The following CCDC148 variants were observed in gnomAD, a reference collection of about 807,000 sequenced individuals.
The protein encoded by CCDC148 is coiled-coil domain-containing protein 148.
Under a neutral mutation model 85.7 loss-of-function variants are expected in CCDC148, and 89 were observed. The ratio of observed to expected loss-of-function variants is 1.04; its 90% CI spans 0.87 to 1.24. CCDC148 has a LOEUF of 1.24. Among genes scored for constraint, CCDC148 ranks in the 50% most tolerant of loss-of-function variants. CCDC148 has a pLI of 0.00. For missense variants in CCDC148, 692 were observed against 671.7 expected (o/e 1.03, Z -0.33); for synonymous variants, 230 against 213.9 (o/e 1.08, Z -0.66).
chr2:158,426,644 A>G (rs532373698), intron 1 of CCDC148, among the ~76,000 whole-genome samples: 12 of 152,320 alleles, frequency 7.9e-5, no homozygotes, highest in African/African-American at 2.9e-4. Context: ...GTTTGTCTCC[A>G]GGTTAACTAC....
At chr2:158,284,242 T>C (rs918974934) in intron 9 of CCDC148, among the ~76,000 whole-genome samples, 1 of 151,860 alleles carries the variant, frequency 6.6e-6, no homozygotes, top group African/African-American at 2.4e-5. Context: ...AACCTGCACA[T>C]TGTGCACATG....
chr2:158,213,544 T>C lies in CCDC148; in HGVS notation c.1370+7051A>G, dbSNP rs370861709. On this transcript the variant is annotated intron_variant, in intron 11 of 13. Coordinates refer to ENST00000283233, the MANE Select transcript of CCDC148 (RefSeq NM_138803.4). ...AAAAGTCAAAGATTGAACATTGTAA[T>C]AAGCATTTTCAAAATGTCATAATGT... Among the ~76,000 whole-genome samples, 48 of 152,318 alleles carry C rather than the reference T, an allele frequency of 3.2e-4. No homozygotes were observed. The South Asian group carries it at 1.0e-2, about 32-fold the overall frequency.
intron 1 of CCDC148, among the ~76,000 whole-genome samples, chr2:158,395,185 G>A (rs943807185): frequency 1.3e-4 from 20 of 151,996 alleles, no homozygotes; most frequent in Non-Finnish European, 2.9e-4. Flanking sequence ...CTAGTTGAGG[G>A]GACAGATCTA....
At chr2:158,430,151 A>T (rs1418571546) in intron 1 of CCDC148, among the ~76,000 whole-genome samples, 1 of 152,200 alleles carries the variant, frequency 6.6e-6, no homozygotes, top group Non-Finnish European at 1.5e-5. Context: ...TCACACAGGG[A>T]TGAAGATGTT....
At chr2:158,262,103 A>G (rs1240128994) in intron 9 of CCDC148, among the ~76,000 whole-genome samples, 1 of 152,136 alleles carries the variant, frequency 6.6e-6, no homozygotes, top group Non-Finnish European at 1.5e-5. Context: ...AAAGATGTGG[A>G]ATCAACCTAA....
chr2:158,309,939 T>G (rs143671536), intron 8 of CCDC148, among the ~76,000 whole-genome samples: 379 of 152,290 alleles, frequency 2.5e-3, no homozygotes, highest in Middle Eastern at 0.014. Flanking sequence ...ATTTTTTTAG[T>G]ATTTATTGAG....
intron 11 of CCDC148, among the ~76,000 whole-genome samples, chr2:158,201,261 G>T (rs1395866912): frequency 1.3e-5 from 2 of 151,884 alleles, no homozygotes; most frequent in Non-Finnish European, 2.9e-5. Flanking sequence ...ATATTAATAT[G>T]TCAATTTATA....
chr2:158,223,686 G>A (rs992176497), intron 10 of CCDC148, among the ~76,000 whole-genome samples: 7 of 152,138 alleles, frequency 4.6e-5, no homozygotes, highest in South Asian at 2.1e-4. Flanking sequence ...CTGCAGCCTC[G>A]TCTGCTGATA....
intron 1 of CCDC148, among the ~76,000 whole-genome samples, chr2:158,425,640 C>T (rs1687042200): frequency 6.6e-6 from 1 of 152,090 alleles, no homozygotes; most frequent in East Asian, 1.9e-4. Flanking sequence ...TTTAAATAAG[C>T]AATAATTAAG....
intron 9 of CCDC148, among the ~76,000 whole-genome samples, chr2:158,294,617 AG>A (rs534283461): frequency 9.8e-4 from 149 of 152,262 alleles, no homozygotes; most frequent in African/African-American, 3.5e-3. Flanking sequence ...TGAGGTCAGT[AG>A]TTGTAGACCA....
chr2:158,296,252 T>C (rs1574570504), intron 9 of CCDC148, among the ~76,000 whole-genome samples: 2 of 152,334 alleles, frequency 1.3e-5, no homozygotes, highest in African/African-American at 2.4e-5. Flanking sequence ...TTACATACGG[T>C]AGAAGTATGT....
chr2:158,456,526 A>G lies in CCDC148; in HGVS notation c.-87T>C, dbSNP rs567167541. On this transcript the variant is annotated 5_prime_UTR_variant, in exon 1 of 14. Transcript: ENST00000283233. Reference sequence around the variant, plus strand: ...CTCCTGGGCTCTCGCCGTCAGGGGTACATCTAAGGGCTCAGCTGTTCCTAC... The same window carrying G: ...CTCCTGGGCTCTCGCCGTCAGGGGTGCATCTAAGGGCTCAGCTGTTCCTAC... 2.0e-6 allele frequency: 3 copies of G among 1,512,892 alleles called. No individual in the cohort carries two copies. In the African/African-American group the frequency reaches 4.1e-5, roughly 21 times the overall value. 93.7% of individuals were successfully genotyped at this position (1,512,892 alleles called of 1,614,324 possible). A position where few individuals can be genotyped will look rare whatever the true frequency, so the allele number is the denominator to read the frequency against.
chr2:158,223,104 G>A (rs560677255), intron 10 of CCDC148, among the ~76,000 whole-genome samples: 65 of 152,242 alleles, frequency 4.3e-4, no homozygotes, highest in African/African-American at 1.5e-3. Flanking sequence ...CTGGAAAATC[G>A]GGTCACTCCC....
chr2:158,258,423 T>C (rs2105149239), intron 9 of CCDC148, among the ~76,000 whole-genome samples: 1 of 151,796 alleles, frequency 6.6e-6, no homozygotes, highest in South Asian at 2.1e-4. Context: ...AAAACCCAGG[T>C]TTTGAAATCA....
At chr2:158,328,399 AATCCAGTCT>A (rs1331206075) in intron 7 of CCDC148, among the ~76,000 whole-genome samples, 1 of 152,082 alleles carries the variant, frequency 6.6e-6, no homozygotes, top group Non-Finnish European at 1.5e-5. Context: ...ACATTTTCTT[AATCCAGTCT>A]ATCATTGTTG....
intron 1 of CCDC148, among the ~76,000 whole-genome samples, chr2:158,436,311 G>C (rs942098962): frequency 1.3e-5 from 2 of 152,078 alleles, no homozygotes; most frequent in South Asian, 2.1e-4. Flanking sequence ...CTAGAACTTA[G>C]GATTAAGAAA....
At chr2:158,248,441 T>C (rs1360792038) in intron 10 of CCDC148, among the ~76,000 whole-genome samples, 1 of 152,198 alleles carries the variant, frequency 6.6e-6, no homozygotes, top group Non-Finnish European at 1.5e-5. Context: ...AAAAGTATTT[T>C]AAAAATAAAA....
intron 9 of CCDC148, among the ~76,000 whole-genome samples, chr2:158,290,954 T>C (rs1212540384): frequency 2.6e-5 from 4 of 152,046 alleles, no homozygotes; most frequent in Non-Finnish European, 5.9e-5. Context: ...TCAATATCCC[T>C]CTACTCCTTT....
intron 1 of CCDC148, among the ~76,000 whole-genome samples, chr2:158,382,540 A>G (rs2883854): frequency 0.23 from 35,652 of 152,064 alleles, 4,380 homozygotes; most frequent in Middle Eastern, 0.28. Context: ...GATATATTTT[A>G]TAACTGCTAA....
Sources: allele counts gnomAD v4.1 joint callset (sites outside exome capture counted in the v4.1 genomes callset), GRCh38; gene constraint gnomAD v4.1.1; transcripts MANE v1.5; gene names NCBI Gene and HGNC (gene_info 2026-07-23, HGNC 2026-07-21).